Variants in SPAG16 observed in about 807,000 individuals in gnomAD.
The protein encoded by SPAG16 is sperm associated antigen 16.
SPAG16 carries 86 observed loss-of-function variants against 80.4 expected under a neutral mutation model. That is an observed-to-expected ratio of 1.07 (90% CI 0.90 to 1.28). The LOEUF (loss-of-function observed/expected upper bound fraction) is 1.28, where lower values mean the gene tolerates loss of function less well. Among genes scored for constraint, SPAG16 ranks in the 50% most tolerant of loss-of-function variants. The pLI is 0.00. For missense variants in SPAG16, 870 were observed against 765.3 expected (o/e 1.14, Z -1.61); for synonymous variants, 294 against 265.9 (o/e 1.11, Z -1.03).
intron 13 of SPAG16, among the ~76,000 whole-genome samples, chr2:214,057,418 C>CT (rs955597537): frequency 4.0e-5 from 6 of 151,770 alleles, no homozygotes; most frequent in African/African-American, 9.7e-5. Context: ...TATTATTAAT[C>CT]TTTTTTTTGG....
intron 11 of SPAG16, among the ~76,000 whole-genome samples, chr2:213,909,458 G>A (rs542739082): frequency 1.2e-4 from 19 of 152,134 alleles, no homozygotes; most frequent in African/African-American, 3.1e-4. Flanking sequence ...GAGGCATCAC[G>A]CTACCTGACT....
At chr2:214,171,383 A>G (rs2056862442) in intron 15 of SPAG16, among the ~76,000 whole-genome samples, 1 of 151,842 alleles carries the variant, frequency 6.6e-6, no homozygotes, top group Non-Finnish European at 1.5e-5. Flanking sequence ...TACAAAATAT[A>G]TTTTGTTGTT....
intron 9 of SPAG16, among the ~76,000 whole-genome samples, chr2:213,431,613 A>C (rs2070305903): frequency 6.6e-6 from 1 of 152,066 alleles, no homozygotes; most frequent in Non-Finnish European, 1.5e-5. Flanking sequence ...TAAAACAAAT[A>C]TTACTAGACC....
intron 13 of SPAG16, among the ~76,000 whole-genome samples, chr2:214,015,707 ACAC>A (rs1337983595): frequency 6.6e-6 from 1 of 152,102 alleles, no homozygotes; most frequent in Non-Finnish European, 1.5e-5. Flanking sequence ...GCTTGTCTGA[ACAC>A]CATCCTGTCC....
intron 13 of SPAG16, among the ~76,000 whole-genome samples, chr2:214,059,446 A>G (rs1436105975): frequency 6.6e-6 from 1 of 151,088 alleles, no homozygotes; most frequent in African/African-American, 2.4e-5. Flanking sequence ...TATGATTATC[A>G]TATTCTTGTG....
At chr2:213,833,472 TAATAATATA>T (rs2073820141) in intron 10 of SPAG16, among the ~76,000 whole-genome samples, 1 of 8,620 alleles carries the variant, frequency 1.2e-4, no homozygotes, top group African/African-American at 3.7e-4. Flanking sequence ...ATATTATATA[TAATAATATA>T]TATATTATAT....
At chr2:213,730,948 G>T (rs1022214816) in intron 10 of SPAG16, among the ~76,000 whole-genome samples, 3 of 152,072 alleles carry the variant, frequency 2.0e-5, no homozygotes, top group African/African-American at 7.2e-5. Flanking sequence ...ACTGTGCCAA[G>T]ACTACTAATG....
intron 1 of SPAG16, among the ~76,000 whole-genome samples, chr2:213,288,020 C>G (rs189111865): frequency 2.0e-5 from 3 of 152,320 alleles, no homozygotes; most frequent in Admixed American, 2.0e-4. Flanking sequence ...ATCTTCCCAC[C>G]TCAGCTTCCT....
chr2:213,893,081 A>T (rs1352990667), intron 11 of SPAG16, among the ~76,000 whole-genome samples: 1 of 152,156 alleles, frequency 6.6e-6, no homozygotes, highest in East Asian at 1.9e-4. Context: ...AAGGAAAATA[A>T]AAAGGAGTTC....
intron 10 of SPAG16, among the ~76,000 whole-genome samples, chr2:213,527,397 T>G (rs1387228168): frequency 6.6e-6 from 1 of 152,232 alleles, no homozygotes; most frequent in Non-Finnish European, 1.5e-5. Context: ...CTTCTGTTGC[T>G]CTTTTATATT....
chr2:214,011,295 C>A (rs1324418335), intron 12 of SPAG16, among the ~76,000 whole-genome samples: 1 of 145,634 alleles, frequency 6.9e-6, no homozygotes, highest in Non-Finnish European at 1.5e-5. Context: ...TTAAAAATAG[C>A]AGGTAAAATT....
At chr2:213,932,278 T>C (rs1206551586) in intron 12 of SPAG16, among the ~76,000 whole-genome samples, 1 of 150,784 alleles carries the variant, frequency 6.6e-6, no homozygotes, top group Non-Finnish European at 1.5e-5. Context: ...TGGCACAATC[T>C]CAGCTCACTG....
At chr2:214,166,021 T>C (rs1313990478) in intron 15 of SPAG16, among the ~76,000 whole-genome samples, 1 of 152,166 alleles carries the variant, frequency 6.6e-6, no homozygotes, top group African/African-American at 2.4e-5. Flanking sequence ...AAATTAAATG[T>C]CTAAGCATAA....
chr2:213,432,473 T>C (rs898300441), intron 9 of SPAG16, among the ~76,000 whole-genome samples: 3 of 152,108 alleles, frequency 2.0e-5, no homozygotes, highest in African/African-American at 4.8e-5. Context: ...CACATGTTCA[T>C]GAATTAGAAA....
At position 213,736,423 on chromosome 2, in the gene SPAG16, C is replaced by T. The variant is rs551386469; in HGVS notation, c.1071-126062C>T. ...CCATTTCAGCCTTCCAAGTAGCTGG[C>T]ATTACATGCACCCACCACCACACCC... On this transcript the variant is annotated intron_variant, in intron 10 of 15. Transcript: ENST00000331683. Among the ~76,000 whole-genome samples, 4 of 151,818 alleles carry T rather than the reference C, an allele frequency of 2.6e-5. No homozygotes were observed. In the East Asian group the frequency reaches 5.9e-4, roughly 22 times the overall value.
At chr2:214,110,215 G>C (rs1486897733) in intron 14 of SPAG16, among the ~76,000 whole-genome samples, 1 of 152,060 alleles carries the variant, frequency 6.6e-6, no homozygotes, top group African/African-American at 2.4e-5. Flanking sequence ...AGGTATACAT[G>C]TGCCATGTTG....
At chr2:213,610,608 C>T (rs373860402) in intron 10 of SPAG16, among the ~76,000 whole-genome samples, 3 of 152,004 alleles carry the variant, frequency 2.0e-5, no homozygotes, top group South Asian at 2.1e-4. Context: ...TTGGATCTTG[C>T]GCAAGAAAGA....
Position 214,046,761 on chromosome 2 carries a change from AGAT to A in SPAG16, c.1527+32688_1527+32690del, listed in dbSNP as rs2049346405. ...AAGAAGTTAAATTATCCTGGTTCAC[AGAT>A]GATATGATCTTATATTTGGAAATAC... On this transcript the variant is annotated intron_variant, in intron 13 of 15. Transcript: ENST00000331683. Among the ~76,000 whole-genome samples the A allele has an allele frequency of 2.0e-5, 3 of 152,296 alleles. No homozygotes were observed. In the South Asian group the frequency reaches 6.2e-4, roughly 32 times the overall value.
intron 12 of SPAG16, among the ~76,000 whole-genome samples, chr2:213,978,813 C>T (rs1306088064): frequency 6.6e-6 from 1 of 152,004 alleles, no homozygotes; most frequent in Non-Finnish European, 1.5e-5. Flanking sequence ...TGGCATTAGG[C>T]TTTTCACTAT....
Sources: allele counts gnomAD v4.1 joint callset (sites outside exome capture counted in the v4.1 genomes callset), GRCh38; gene constraint gnomAD v4.1.1; transcripts MANE v1.5; gene names NCBI Gene and HGNC (gene_info 2026-07-23, HGNC 2026-07-21).